The following CTIF variants were observed in gnomAD, a reference collection of about 807,000 sequenced individuals.
The protein encoded by CTIF is cap binding complex dependent translation initiation factor.
CTIF carries 21 observed loss-of-function variants against 66.0 expected under a neutral mutation model. The ratio of observed to expected loss-of-function variants is 0.32; its 90% CI spans 0.23 to 0.46. The LOEUF (loss-of-function observed/expected upper bound fraction) is 0.46. Ranked by LOEUF, CTIF falls within the 20% of genes least tolerant of loss-of-function variation. CTIF has a pLI of 1.00. For missense variants in CTIF, 739 were observed against 812.7 expected (o/e 0.91, Z 1.10); for synonymous variants, 345 against 326.4 (o/e 1.06, Z -0.62).
At chr18:48,667,082 G>GACACAC (rs4044188) in intron 5 of CTIF, among the ~76,000 whole-genome samples, 8,258 of 142,214 alleles carry the variant, frequency 0.058, 261 homozygotes, top group Middle Eastern at 0.11. Flanking sequence ...CAGGAAAGTA[G>GACACAC]ACACACACAC....
chr18:48,649,601 G>A (rs890784836), intron 3 of CTIF, among the ~76,000 whole-genome samples: 1 of 152,228 alleles, frequency 6.6e-6, no homozygotes, highest in African/African-American at 2.4e-5. Context: ...GAGAGCAGTG[G>A]TTCTCCCAGC....
chr18:48,725,072 TG>T (rs1294719921), intron 7 of CTIF, among the ~76,000 whole-genome samples: 2 of 152,084 alleles, frequency 1.3e-5, no homozygotes, highest in South Asian at 2.1e-4. Flanking sequence ...TGTTCTGGGG[TG>T]GTGTGCATGT....
At chr18:48,649,403 G>C (rs1296525388) in intron 3 of CTIF, among the ~76,000 whole-genome samples, 1 of 152,256 alleles carries the variant, frequency 6.6e-6, no homozygotes, top group Non-Finnish European at 1.5e-5. Flanking sequence ...AGGGGGAGGG[G>C]CGTCTGCCAT....
intron 6 of CTIF, among the ~76,000 whole-genome samples, chr18:48,691,982 A>G (rs376540189): frequency 3.8e-4 from 58 of 152,322 alleles, no homozygotes; most frequent in African/African-American, 1.3e-3. Context: ...CCCGGGTTCA[A>G]GCAATTCTTG....
Position 48,761,453 on chromosome 18 carries a change from C to T in CTIF, c.1135C>T (p.Leu379=), listed in dbSNP as rs772025886. The change falls in exon 9 of 12, where the codon CTG becomes TTG. Residue 379 remains leucine, a synonymous_variant. Coordinates refer to ENST00000256413, the MANE Select transcript of CTIF (RefSeq NM_014772.3). The surrounding 1 kb of genome is among the most constrained non-coding windows in gnomAD (Gnocchi z 4.2). The part of the protein sequence containing the change: ...QNKMDKLIEI[L]NSMRNNSSDV... ...CAAGATGGACAAGCTGATCGAGATCCTGAACAGCATGCGGAACAACAGCAG... is the reference window on the plus strand; with the variant it reads ...CAAGATGGACAAGCTGATCGAGATCTTGAACAGCATGCGGAACAACAGCAG... The T allele has an allele frequency of 3.1e-6, 5 of 1,614,170 alleles. No homozygotes were observed. The East Asian group carries it at 1.1e-4, about 36-fold the overall frequency.
At chr18:48,839,450 C>T (rs1299373125) in intron 10 of CTIF, among the ~76,000 whole-genome samples, 2 of 152,218 alleles carry the variant, frequency 1.3e-5, no homozygotes, top group African/African-American at 4.8e-5. Context: ...CTAAGAGCCA[C>T]CACTGACCGA....
intron 5 of CTIF, among the ~76,000 whole-genome samples, chr18:48,666,687 G>A (rs1400081518): frequency 2.6e-5 from 4 of 152,260 alleles, no homozygotes; most frequent in Admixed American, 6.5e-5. Context: ...ATGGCTTTGC[G>A]CATGGAGGCA....
At chr18:48,773,533 G>A (rs1599018538) in intron 9 of CTIF, among the ~76,000 whole-genome samples, 2 of 152,250 alleles carry the variant, frequency 1.3e-5, no homozygotes, top group African/African-American at 2.4e-5. Context: ...TGCTCCCCTA[G>A]CGCTGGTCCC....
intron 1 of CTIF, among the ~76,000 whole-genome samples, chr18:48,604,387 C>G (rs982666712): frequency 6.7e-6 from 1 of 149,354 alleles, no homozygotes; most frequent in African/African-American, 2.5e-5. Flanking sequence ...ACAGTGTTAG[C>G]CAGGATGGTC....
intron 7 of CTIF, among the ~76,000 whole-genome samples, chr18:48,748,027 G>A (rs1448935458): frequency 6.6e-6 from 1 of 152,056 alleles, no homozygotes; most frequent in Non-Finnish European, 1.5e-5. Flanking sequence ...AATGGAGAAA[G>A]CAGCCCTTTC....
rs1243268012 is a variant in CTIF at position 48,652,651 on chromosome 18, AC to A, written c.253-11099del. On this transcript the variant is annotated intron_variant, in intron 3 of 11. Coordinates refer to ENST00000256413, the MANE Select transcript of CTIF (RefSeq NM_014772.3). ...TTTATAAGGCCAGCATTATCCTGAT[AC>A]CAAAGCCCGGCAGAGACACGACAAA... is the stretch of plus-strand genomic sequence containing the variant. 5.3e-5 allele frequency among the ~76,000 whole-genome samples: 8 copies of A among 152,330 alleles called. No homozygotes were observed. The South Asian group carries it at 1.2e-3, about 24-fold the overall frequency.
intron 7 of CTIF, among the ~76,000 whole-genome samples, chr18:48,756,864 G>C (rs2145854314): frequency 6.6e-6 from 1 of 152,178 alleles, no homozygotes; most frequent in South Asian, 2.1e-4. Context: ...AGTGTTGTCA[G>C]ATGAGCCTGT....
intron 1 of CTIF, among the ~76,000 whole-genome samples, chr18:48,614,908 G>A (rs894972170): frequency 5.9e-5 from 9 of 151,956 alleles, no homozygotes; most frequent in Non-Finnish European, 8.8e-5. Flanking sequence ...GTTTTGTTTT[G>A]TTTTTGCTTT....
intron 9 of CTIF, among the ~76,000 whole-genome samples, chr18:48,815,447 A>C (rs1427511020): frequency 1.3e-5 from 2 of 152,224 alleles, no homozygotes; most frequent in Non-Finnish European, 2.9e-5. Flanking sequence ...TACCACAATT[A>C]ATATCCTTGG....
chr18:48,603,146 A>ATGGATGGATGGATGGATGGT (rs1568064997), intron 1 of CTIF, among the ~76,000 whole-genome samples: 10 of 141,964 alleles, frequency 7.0e-5, no homozygotes, highest in South Asian at 4.8e-4. Flanking sequence ...TAGTGGATGG[A>ATGGATGGATGGATGGATGGT]TGGATGGATG....
chr18:48,755,049 A>G lies in CTIF; in HGVS notation c.585-2870A>G, dbSNP rs538847621. Among the ~76,000 whole-genome samples, 4 of 152,330 alleles carry G rather than the reference A, an allele frequency of 2.6e-5. No homozygotes were observed. In the South Asian group the frequency reaches 6.2e-4, roughly 24 times the overall value. ...CTGTATGGCAAGTGGGAAACCAGGC[A>G]GTTTCAAGACGGATGTTGGGAAGGG... On this transcript the variant is annotated intron_variant, in intron 7 of 11. Coordinates refer to ENST00000256413, the MANE Select transcript of CTIF (RefSeq NM_014772.3).
intron 1 of CTIF, among the ~76,000 whole-genome samples, chr18:48,545,241 C>T (rs1017716326): frequency 6.6e-6 from 1 of 152,152 alleles, no homozygotes; most frequent in African/African-American, 2.4e-5. Context: ...AGTGGAGGAG[C>T]TTTGTAAGCC....
At chr18:48,639,819 A>G (rs2090893613) in intron 3 of CTIF, among the ~76,000 whole-genome samples, 1 of 152,118 alleles carries the variant, frequency 6.6e-6, no homozygotes, top group Non-Finnish European at 1.5e-5. Flanking sequence ...CACGTGGCCC[A>G]TGGTGGCTCA....
intron 9 of CTIF, among the ~76,000 whole-genome samples, chr18:48,784,231 A>G (rs1294782929): frequency 6.6e-6 from 1 of 152,236 alleles, no homozygotes; most frequent in East Asian, 1.9e-4. Flanking sequence ...GAGAACTCAC[A>G]TGAGGGTGTC....
Sources: gnomAD v4.1 joint callset for allele counts (sites outside exome capture counted in the v4.1 genomes callset) on GRCh38, gnomAD v4.1.1 for gene constraint, Gnocchi (gnomAD v3.1) non-coding constraint, MANE v1.5 for transcripts, NCBI Gene and HGNC (gene_info 2026-07-23, HGNC 2026-07-21) for gene names.